PSD3: variants seen among roughly 807,000 people sequenced by gnomAD.
The protein encoded by PSD3 is pleckstrin and Sec7 domain containing 3, also known as PH and SEC7 domain-containing protein 3.
In PSD3, 49 loss-of-function variants were observed where a neutral mutation model predicts 105.5. The observed-to-expected ratio is 0.46, with a 90% CI of 0.37 to 0.59. The LOEUF (loss-of-function observed/expected upper bound fraction) is 0.59, where lower values mean the gene tolerates loss of function less well. Among genes scored for constraint, PSD3 ranks in the 20% least tolerant of loss-of-function variants. PSD3 has a pLI of 0.00. For synonymous variants in PSD3, 557 were observed against 457.8 expected (o/e 1.22, Z -2.77); for missense variants, 1,561 against 1,263.8 (o/e 1.24, Z -3.57).
intron 9 of PSD3, among the ~76,000 whole-genome samples, chr8:18,757,764 G>T (rs958428890): frequency 5.9e-5 from 9 of 151,934 alleles, no homozygotes; most frequent in Non-Finnish European, 2.9e-5. Context: ...ATAAACATAG[G>T]ATCATGTTAC....
chr8:18,757,324 C>T lies in PSD3; in HGVS notation c.2172+8125G>A, dbSNP rs193264335. ...AAAAAAAAAAAAAAAATTAGCTGGGCGTGGTGGTGGATGCCTGTAATCCCA... is the reference window on the plus strand; with the variant it reads ...AAAAAAAAAAAAAAAATTAGCTGGGTGTGGTGGTGGATGCCTGTAATCCCA... On this transcript the variant is annotated intron_variant, in intron 9 of 15. Transcript: ENST00000327040. Among the ~76,000 whole-genome samples, 705 of 150,838 alleles carry T rather than the reference C, an allele frequency of 4.7e-3. 6 individuals carry two copies. Among genetic ancestry groups the T allele is most frequent in the East Asian group, 0.029 (147 of 5,126 alleles).
chr8:18,704,800 T>A (rs374342112), intron 9 of PSD3, among the ~76,000 whole-genome samples: 1 of 152,036 alleles, frequency 6.6e-6, no homozygotes, highest in Non-Finnish European at 1.5e-5. Flanking sequence ...AAAAATAATA[T>A]GTTAAAAGAC....
At chr8:18,654,222 C>T (rs994720616) in intron 10 of PSD3, among the ~76,000 whole-genome samples, 8 of 152,100 alleles carry the variant, frequency 5.3e-5, no homozygotes, top group South Asian at 2.1e-4. Flanking sequence ...AGTGAGTAGA[C>T]GCAATTCAAG....
At chr8:18,573,249 C>A (rs538541490) in intron 13 of PSD3, among the ~76,000 whole-genome samples, 17 of 152,242 alleles carry the variant, frequency 1.1e-4, no homozygotes, top group Middle Eastern at 3.4e-3. Context: ...GTGGGCAGAT[C>A]ACGTGAGGTC....
chr8:18,541,414 T>C (rs1800143248), intron 15 of PSD3, among the ~76,000 whole-genome samples: 1 of 152,180 alleles, frequency 6.6e-6, no homozygotes, highest in African/African-American at 2.4e-5. Flanking sequence ...CCCACGTTGA[T>C]GGCAGATGCC....
intron 9 of PSD3, among the ~76,000 whole-genome samples, chr8:18,729,304 C>G (rs923268450): frequency 6.6e-6 from 1 of 152,208 alleles, no homozygotes; most frequent in Non-Finnish European, 1.5e-5. Context: ...GGAAACAGCT[C>G]TAAGTGGTTC....
In PSD3 at chr8:18,614,932, G is replaced by T. The variant is rs369262515; in HGVS notation, c.2411-14498C>A. The stretch of plus-strand genomic sequence containing the variant: ...ATTACAGGTGTGAACCACTGCACAG[G>T]CCTCATAATTCTATAAAGTATATCT... On this transcript the variant is annotated intron_variant, in intron 11 of 15. Coordinates refer to ENST00000327040, the MANE Select transcript of PSD3 (RefSeq NM_015310.4). Among the ~76,000 whole-genome samples, 5 of 152,124 alleles carry T rather than the reference G, an allele frequency of 3.3e-5. No homozygotes were observed. In the South Asian group the frequency reaches 6.2e-4, roughly 19 times the overall value.
At chr8:18,752,265 G>T (rs1407363481) in intron 9 of PSD3, among the ~76,000 whole-genome samples, 2 of 150,452 alleles carry the variant, frequency 1.3e-5, no homozygotes, top group Non-Finnish European at 2.9e-5. Context: ...CTGACACTGT[G>T]TTTTACGGAA....
Position 18,865,268 on chromosome 8 carries a change from ATATATATATATATATATATTTT to A in PSD3, c.1634+2384_1634+2405del, listed in dbSNP as rs1563360485. The A allele has an allele frequency of 6.8e-3, 18 of 2,654 alleles. 2 individuals are homozygous for A. Among genetic ancestry groups the A allele is most frequent in the African/African-American group, 0.024 (16 of 656 alleles). The allele number at this position is 2,654 out of a possible 1,614,324, so 0.2% of individuals were successfully genotyped here. ...TATATATATATATATATATATATAT[ATATATATATATATATATATTTT>A]TTTTTTTTTTTTTTTTTTTAAAGGC... On this transcript the variant is annotated intron_variant, in intron 4 of 15. Transcript: ENST00000327040.
chr8:19,034,545 A>T (rs369496527), intron 1 of PSD3, among the ~76,000 whole-genome samples: 2 of 152,200 alleles, frequency 1.3e-5, no homozygotes, highest in South Asian at 2.1e-4. Context: ...ACTATCCCAT[A>T]AAGAGCTGAC....
chr8:18,626,253 A>G (rs953932133), intron 11 of PSD3, among the ~76,000 whole-genome samples: 4 of 151,108 alleles, frequency 2.6e-5, no homozygotes, highest in Admixed American at 2.0e-4. Context: ...AGTTAATTAA[A>G]AAAAAAAGAC....
intron 8 of PSD3, among the ~76,000 whole-genome samples, chr8:18,791,510 A>C (rs1809717030): frequency 6.6e-6 from 1 of 152,228 alleles, no homozygotes; most frequent in Admixed American, 6.5e-5. Context: ...TGGTGCTAGA[A>C]AAACTGGGTA....
chr8:18,955,433 G>C (rs541846867), intron 1 of PSD3, among the ~76,000 whole-genome samples: 1 of 152,112 alleles, frequency 6.6e-6, no homozygotes, highest in African/African-American at 2.4e-5. Context: ...AATTGTTAAT[G>C]TTGATATATT....
rs528642993 is a variant in PSD3, at chr8:18,808,853, C to T, written c.1635-3955G>A. On this transcript the variant is annotated intron_variant, in intron 4 of 15. Transcript: ENST00000327040. ...AGCCCCGTCCAGTATTCTTCAGCTC[C>T]CAAGTTCAGTGACTGCCGAGCCTCA... is the stretch of plus-strand genomic sequence containing the variant. 5.0e-5 allele frequency: 80 copies of T among 1,605,512 alleles called. No homozygotes were observed. In the African/African-American group the frequency reaches 1.0e-3, roughly 21 times the overall value.
chr8:18,754,127 T>C lies in PSD3; in HGVS notation c.2172+11322A>G, dbSNP rs1289396151. ...GGCCAGGTGCGGTGGCTCACGCCTGTAATCCCACCACTTTGGGAAGCCGAG... is the reference window on the plus strand; with the variant it reads ...GGCCAGGTGCGGTGGCTCACGCCTGCAATCCCACCACTTTGGGAAGCCGAG... On this transcript the variant is annotated intron_variant, in intron 9 of 15. Transcript: ENST00000327040. 2.0e-5 allele frequency among the ~76,000 whole-genome samples: 3 copies of C among 152,310 alleles called. No homozygotes were observed. The East Asian group carries it at 5.8e-4, about 29-fold the overall frequency.
At position 18,753,151 on chromosome 8, in the gene PSD3, T is replaced by C. The variant is rs570938818; in HGVS notation, c.2172+12298A>G. Among the ~76,000 whole-genome samples the C allele has an allele frequency of 7.4e-4, 113 of 152,154 alleles. 1 individual carries two copies. Among genetic ancestry groups the C allele is most frequent in the African/African-American group, 2.6e-3 (109 of 41,524 alleles). On this transcript the variant is annotated intron_variant, in intron 9 of 15. Coordinates refer to ENST00000327040, the MANE Select transcript of PSD3 (RefSeq NM_015310.4). ...GCAGGTGGATCACGAGGTCAGGAGC[T>C]TGAGACCAGCCTGGCCAATATGGTG...
At chr8:18,925,564 G>A (rs973563610) in intron 2 of PSD3, among the ~76,000 whole-genome samples, 5 of 151,988 alleles carry the variant, frequency 3.3e-5, no homozygotes, top group African/African-American at 9.7e-5. Flanking sequence ...AATCTGAAAC[G>A]TTGGAGTGCC....
At chr8:18,866,359 C>G (rs901194345) in intron 4 of PSD3, among the ~76,000 whole-genome samples, 3 of 152,184 alleles carry the variant, frequency 2.0e-5, no homozygotes, top group Non-Finnish European at 2.9e-5. Flanking sequence ...AACCAGGCAA[C>G]CAGTTCATAT....
chr8:18,738,592 T>G (rs1461482172), intron 9 of PSD3, among the ~76,000 whole-genome samples: 1 of 152,162 alleles, frequency 6.6e-6, no homozygotes, highest in Non-Finnish European at 1.5e-5. Flanking sequence ...CAGTAATCAT[T>G]ATCAGAAATG....
Sources: gnomAD v4.1 joint callset for allele counts (sites outside exome capture counted in the v4.1 genomes callset) on GRCh38, gnomAD v4.1.1 for gene constraint, MANE v1.5 for transcripts, NCBI Gene and HGNC (gene_info 2026-07-23, HGNC 2026-07-21) for gene names.